The following KCNJ5 variants were observed in gnomAD, a reference collection of about 807,000 sequenced individuals.
The protein encoded by KCNJ5 is G protein-activated inward rectifier potassium channel 4.
A neutral mutation model predicts 20.2 loss-of-function variants in KCNJ5; 12 were observed. The observed-to-expected ratio is 0.59, with a 90% CI of 0.38 to 0.96. The LOEUF is 0.96. Among genes scored for constraint, KCNJ5 ranks in the 40% least tolerant of loss-of-function variants. KCNJ5 has a pLI of 0.00. For synonymous variants in KCNJ5, 210 were observed against 213.9 expected (o/e 0.98, Z 0.16); for missense variants, 449 against 557.6 (o/e 0.81, Z 1.96).
chr11:128,919,528 C>T lies in KCNJ5; in HGVS notation c.*2797C>T, dbSNP rs187978621. 1 of 152,404 alleles carries T rather than the reference C, an allele frequency of 6.6e-6. No homozygotes were observed. Among genetic ancestry groups the T allele is most frequent in the Admixed American group, 6.5e-5 (1 of 15,310 alleles). The allele number at this position is 152,404 out of a possible 1,614,324, so 9.4% of individuals were successfully genotyped here. A position where few individuals can be genotyped will look rare whatever the true frequency, so the allele number is the denominator to read the frequency against. ...CTCCCCCTTCACATCCTGAGGAAATCCCCTTCCTGGTGACCAACTGATGCA... is the reference window on the plus strand; with the variant it reads ...CTCCCCCTTCACATCCTGAGGAAATTCCCTTCCTGGTGACCAACTGATGCA... On this transcript the variant is annotated 3_prime_UTR_variant, in exon 3 of 3. Coordinates refer to ENST00000529694, the MANE Select transcript of KCNJ5 (RefSeq NM_000890.5).
chr11:128,893,632 C>G (rs76942838), intron 1 of KCNJ5, among the ~76,000 whole-genome samples: 34 of 152,190 alleles, frequency 2.2e-4, no homozygotes, highest in African/African-American at 7.2e-4. Context: ...TCACAGGCAG[C>G]ATTTTTTAAG....
rs531715163 is a variant in KCNJ5, at chr11:128,902,224, T to G, written c.-10-9040T>G. ...CTCTGCAGTCCCTTCCACGATGCCC[T>G]CACCGCTGGTAATCAGCATCCATTA... On this transcript the variant is annotated intron_variant, in intron 1 of 2. Coordinates refer to ENST00000529694, the MANE Select transcript of KCNJ5 (RefSeq NM_000890.5). 23 of 388,066 alleles carry G rather than the reference T, an allele frequency of 5.9e-5. No homozygotes were observed. The Admixed American group carries it at 7.7e-4, about 13-fold the overall frequency. 24.0% of individuals were successfully genotyped at this position (388,066 alleles called of 1,614,324 possible).
rs1333560127 is a variant in KCNJ5 at position 128,911,246 on chromosome 11, T to C, written c.-10-18T>C. 6.3e-7 allele frequency: 1 copy of C among 1,598,924 alleles called. No homozygotes were observed. The highest frequency in any genetic ancestry group is 1.1e-5 in the South Asian group (1 of 90,758). On this transcript the variant is annotated intron_variant, in intron 1 of 2. Transcript: ENST00000529694. This position sits in a 1 kb window ranked among gnomAD's most constrained non-coding sequence, Gnocchi z 6.3. Reference sequence around the variant, plus strand: ...TCAGAACAGCCCACTTCACTGATGGTGTCTTTTTAACTCAAAGCATCCCAG... The same window carrying C: ...TCAGAACAGCCCACTTCACTGATGGCGTCTTTTTAACTCAAAGCATCCCAG...
intron 2 of KCNJ5, 119 bp from the exon 3 acceptor site, chr11:128,916,289 AC>A (rs1944581172): frequency 1.8e-6 from 1 of 551,240 alleles, no homozygotes; most frequent in African/African-American, 5.1e-5. Context: ...TGAACAGATG[AC>A]TGGATGGATG....
rs781130958 is a variant in KCNJ5, at chr11:128,916,608, C to T, written c.1137C>T (p.Tyr379=). 6.2e-6 allele frequency: 10 copies of T among 1,613,916 alleles called. No homozygotes were observed. In the Admixed American group the frequency reaches 1.2e-4, roughly 19 times the overall value. ...EMKREGRLLQ[Y]LPSPPLLGGC... ...AGAGGGAAGGCCGGCTCCTCCAGTA[C>T]CTCCCCAGCCCCCCACTGCTGGGGG... The change falls in exon 3 of 3, where the codon TAC becomes TAT. Residue 379 remains tyrosine (Y), a synonymous_variant. Transcript: ENST00000529694.
intron 1 of KCNJ5, among the ~76,000 whole-genome samples, chr11:128,896,607 GGTGTGT>G (rs142872056): frequency 6.7e-6 from 1 of 149,148 alleles, no homozygotes; most frequent in African/African-American, 2.5e-5. Flanking sequence ...GCTTGTTGGG[GGTGTGT>G]GTGTGTGTGT....
chr11:128,915,862 G>A (rs1944569904), intron 2 of KCNJ5, among the ~76,000 whole-genome samples: 1 of 70,496 alleles, frequency 1.4e-5, no homozygotes, highest in Non-Finnish European at 2.8e-5. Flanking sequence ...CGATTAGGTA[G>A]ATGAGTGGAT....
Position 128,911,585 on chromosome 11 carries a change from C to T in KCNJ5, c.312C>T (p.Phe104=), listed in dbSNP as rs201217363. The change falls in exon 2 of 3, where the codon TTC becomes TTT. Residue 104 remains phenylalanine, a synonymous_variant. Coordinates refer to ENST00000529694, the MANE Select transcript of KCNJ5 (RefSeq NM_000890.5). This position sits in a 1 kb window ranked among gnomAD's most constrained non-coding sequence, Gnocchi z 6.3. The part of the protein sequence containing the change: ...TMVYTVTWLF[F]GFIWWLIAYI... ...TTTACACTGTCACCTGGCTGTTCTT[C>T]GGCTTCATTTGGTGGCTCATTGCTT... 160 of 1,614,192 alleles carry T rather than the reference C, an allele frequency of 9.9e-5. 1 individual carries two copies. The highest frequency in any genetic ancestry group is 6.9e-4 in the South Asian group (63 of 91,080).
intron 1 of KCNJ5, among the ~76,000 whole-genome samples, chr11:128,895,387 C>CT (rs975978745): frequency 4.7e-5 from 7 of 150,226 alleles, no homozygotes; most frequent in African/African-American, 1.2e-4. Flanking sequence ...CCCCCACCCC[C>CT]CCCCCAACCC....
In KCNJ5 at chr11:128,916,648, G is replaced by C; in HGVS notation, c.1177G>C (p.Gly393Arg). The change falls in exon 3 of 3, where the codon GGG (glycine) becomes CGG (arginine). Residue 393 changes from glycine to arginine, a missense_variant. This residue lies in a region of KCNJ5 where 64 missense variants were observed against 51.3 expected (regional missense o/e 1.25). Coordinates refer to ENST00000529694, the MANE Select transcript of KCNJ5 (RefSeq NM_000890.5). Reference sequence around the variant, plus strand: ...ACTGCTGGGGGGCTGTGCTGAGGCAGGGCTGGATGCAGAGGCTGAGCAGAA... The same window carrying C: ...ACTGCTGGGGGGCTGTGCTGAGGCACGGCTGGATGCAGAGGCTGAGCAGAA... Reference protein sequence around the residue: ...PPLLGGCAEAGLDAEAEQNEE... With the variant: ...PPLLGGCAEARLDAEAEQNEE... 1.2e-6 allele frequency: 2 copies of C among 1,613,446 alleles called. No homozygotes were observed. Among genetic ancestry groups the C allele is most frequent in the Non-Finnish European group, 1.7e-6 (2 of 1,179,766 alleles).
chr11:128,911,803 T>C lies in KCNJ5; in HGVS notation c.530T>C (p.Ile177Thr), dbSNP rs1396139637. The C allele has an allele frequency of 1.2e-6, 2 of 1,614,068 alleles. No homozygotes were observed. Among genetic ancestry groups the C allele is most frequent in the Non-Finnish European group, 1.7e-6 (2 of 1,180,038 alleles). Residue 177 changes from isoleucine to threonine, a missense_variant, in exon 2 of 3, where the codon ATC becomes ACC. Coordinates refer to ENST00000529694, the MANE Select transcript of KCNJ5 (RefSeq NM_000890.5). The surrounding 1 kb of genome is among the most constrained non-coding windows in gnomAD (Gnocchi z 6.3). ...LLLVQAILGSIVNAFMVGCMF... is the reference protein window; with the variant it reads ...LLLVQAILGSTVNAFMVGCMF... ...TTGGTCCAGGCCATCCTGGGCTCCA[T>C]CGTCAATGCCTTCATGGTGGGGTGC...
chr11:128,914,143 G>A (rs1266673016), intron 2 of KCNJ5, among the ~76,000 whole-genome samples: 1 of 122,192 alleles, frequency 8.2e-6, no homozygotes, highest in Non-Finnish European at 2.0e-5. Context: ...TTGCCTCCAG[G>A]GTCAGAATCA....
intron 1 of KCNJ5, among the ~76,000 whole-genome samples, chr11:128,895,165 T>G (rs1381799119): frequency 2.6e-5 from 4 of 152,270 alleles, no homozygotes; most frequent in East Asian, 1.9e-4. Flanking sequence ...TCATCCCCTG[T>G]GACTTGGCGG....
At chr11:128,901,435 C>A (rs1205822277) in intron 1 of KCNJ5, 1 of 152,356 alleles carries the variant, frequency 6.6e-6, no homozygotes, top group African/African-American at 2.4e-5. Context: ...CAAAGAAAAA[C>A]CAAAAGGCAG....
chr11:128,899,073 T>G (rs895277500), intron 1 of KCNJ5, among the ~76,000 whole-genome samples: 3 of 152,214 alleles, frequency 2.0e-5, no homozygotes, highest in African/African-American at 7.2e-5. Context: ...TCCTCTTTCT[T>G]GAATCATTTA....
chr11:128,902,032 C>T (rs115500935), intron 1 of KCNJ5: 2,301 of 165,038 alleles, frequency 0.014, 67 homozygotes, highest in African/African-American at 0.052. Flanking sequence ...CAGCCACCGG[C>T]GACTCTAGCC....
At chr11:128,896,544 C>CT (rs980491761) in intron 1 of KCNJ5, among the ~76,000 whole-genome samples, 1 of 151,884 alleles carries the variant, frequency 6.6e-6, no homozygotes, top group Non-Finnish European at 1.5e-5. Context: ...TTGGGATTGG[C>CT]TTTTTTCACT....
At chr11:128,896,047 C>A (rs1944172033) in intron 1 of KCNJ5, among the ~76,000 whole-genome samples, 1 of 152,212 alleles carries the variant, frequency 6.6e-6, no homozygotes, top group African/African-American at 2.4e-5. Flanking sequence ...CACGCTTGGT[C>A]ACATTTTATT....
intron 1 of KCNJ5, among the ~76,000 whole-genome samples, chr11:128,905,217 G>C (rs1944381013): frequency 6.6e-6 from 1 of 152,126 alleles, no homozygotes; most frequent in African/African-American, 2.4e-5. Context: ...CCGTTCCCTG[G>C]GGACAGGGCC....
Sources: gnomAD v4.1 joint callset for allele counts (sites outside exome capture counted in the v4.1 genomes callset) on GRCh38, gnomAD v4.1.1 for gene constraint, gnomAD v4.1.1 regional missense constraint, Gnocchi (gnomAD v3.1) non-coding constraint, MANE v1.5 for transcripts, NCBI Gene and HGNC (gene_info 2026-07-23, HGNC 2026-07-21) for gene names.